Variants in ATP2B4 observed in about 807,000 individuals in gnomAD.
ATP2B4 encodes the protein plasma membrane calcium-transporting ATPase 4.
ATP2B4 carries 39 observed loss-of-function variants against 110.3 expected under a neutral mutation model. The observed-to-expected ratio is 0.35, with a 90% CI of 0.27 to 0.46. The LOEUF (loss-of-function observed/expected upper bound fraction) is 0.46, where lower values mean the gene tolerates loss of function less well. Ranked by LOEUF, ATP2B4 falls within the 20% of genes least tolerant of loss-of-function variation. The pLI, the probability that ATP2B4 is intolerant of heterozygous loss-of-function variation, is 1.00. For missense variants in ATP2B4, 1,135 were observed against 1,530.9 expected, an observed-to-expected ratio of 0.74 and a Z score of 4.32; for synonymous variants, 538 against 571.7, an observed-to-expected ratio of 0.94 and a Z score of 0.84.
chr1:203,723,297 G>A (rs531950966), intron 18 of ATP2B4, among the ~76,000 whole-genome samples: 1 of 148,894 alleles, frequency 6.7e-6, no homozygotes, highest in Non-Finnish European at 1.5e-5. Flanking sequence ...TACAGATGGG[G>A]TCTCACTCTG....
At chr1:203,699,118 A>G (rs1281299889) in intron 3 of ATP2B4, among the ~76,000 whole-genome samples, 2 of 152,048 alleles carry the variant, frequency 1.3e-5, no homozygotes, top group Non-Finnish European at 2.9e-5. Flanking sequence ...CCTACATCTC[A>G]AAGTGCCCCC....
intron 2 of ATP2B4, among the ~76,000 whole-genome samples, chr1:203,688,409 C>T (rs1665265502): frequency 1.3e-5 from 2 of 151,970 alleles, no homozygotes; most frequent in African/African-American, 4.8e-5. Flanking sequence ...AGCAGTCCTC[C>T]CACCTTAGCC....
At chr1:203,664,642 C>G (rs1482637916) in intron 1 of ATP2B4, among the ~76,000 whole-genome samples, 2 of 152,086 alleles carry the variant, frequency 1.3e-5, no homozygotes, top group Middle Eastern at 3.2e-3. Context: ...GGGGCAGGAG[C>G]CTGGCCCGGG....
At position 203,723,341 on chromosome 1, in the gene ATP2B4, G is replaced by A. The variant is rs117525537; in HGVS notation, c.3025-540G>A. 2.5e-4 allele frequency among the ~76,000 whole-genome samples: 37 copies of A among 145,122 alleles called. 1 individual carries two copies. The East Asian group carries it at 7.4e-3, about 29-fold the overall frequency. The stretch of plus-strand genomic sequence containing the variant: ...GCTGGTCTCAAACTCCTGGCCTCAA[G>A]CAATCCTCCCGCCTCCCAAAGTGTT... On this transcript the variant is annotated intron_variant, in intron 18 of 20. Transcript: ENST00000357681.
At chr1:203,735,653 T>C (rs990552363) in intron 20 of ATP2B4, among the ~76,000 whole-genome samples, 3 of 152,160 alleles carry the variant, frequency 2.0e-5, no homozygotes, top group Non-Finnish European at 2.9e-5. Context: ...TTGATAGAGA[T>C]ACATACAATT....
intron 20 of ATP2B4, among the ~76,000 whole-genome samples, chr1:203,736,650 A>C (rs1666886250): frequency 2.6e-5 from 4 of 151,984 alleles, no homozygotes; most frequent in Admixed American, 2.6e-4. Context: ...ACATTTCCCC[A>C]AGGTTTTGAG....
chr1:203,710,335 A>G (rs981120015), intron 11 of ATP2B4, among the ~76,000 whole-genome samples: 2 of 151,914 alleles, frequency 1.3e-5, no homozygotes, highest in Non-Finnish European at 2.9e-5. Flanking sequence ...GCACCACTGC[A>G]CTCCAGCCTG....
chr1:203,702,211 C>T (rs2102388561), intron 7 of ATP2B4, 132 bp downstream of exon 7: 1 of 1,189,044 alleles, frequency 8.4e-7, no homozygotes. Flanking sequence ...ATGCCTCATC[C>T]TGAGGAAGGT....
rs559946247 is a variant in ATP2B4 at position 203,716,924 on chromosome 1, G to T, written c.2406+2647G>T. On this transcript the variant is annotated intron_variant, in intron 15 of 20. Coordinates refer to ENST00000357681, the MANE Select transcript of ATP2B4 (RefSeq NM_001684.5). ...TTACATAAAAAGAGATTCCCGGCCG[G>T]GCGTAGTGGCTCGTGCTTGTAATCC... 1.5e-4 allele frequency among the ~76,000 whole-genome samples: 21 copies of T among 144,642 alleles called. 2 individuals are homozygous for T. Among genetic ancestry groups the T allele is most frequent in the African/African-American group, 5.3e-4 (21 of 39,706 alleles). 94.9% of individuals were successfully genotyped at this position (144,642 alleles called of 152,430 possible).
Position 203,721,717 on chromosome 1 carries a change from C to T in ATP2B4, c.2812+307C>T, listed in dbSNP as rs1666341765. Among the ~76,000 whole-genome samples the T allele has an allele frequency of 2.1e-5, 3 of 141,446 alleles. No homozygotes were observed. The Admixed American group carries it at 2.2e-4, about 10-fold the overall frequency. 92.8% of individuals were successfully genotyped at this position (141,446 alleles called of 152,430 possible). On this transcript the variant is annotated intron_variant, in intron 17 of 20. Coordinates refer to ENST00000357681, the MANE Select transcript of ATP2B4 (RefSeq NM_001684.5). Reference sequence around the variant, plus strand: ...TCGCTCTGTCACCCAGGCTGGAGTGCAGTGGCGCTAACTCGGGTCACTGCA... The same window carrying T: ...TCGCTCTGTCACCCAGGCTGGAGTGTAGTGGCGCTAACTCGGGTCACTGCA...
intron 1 of ATP2B4, among the ~76,000 whole-genome samples, chr1:203,677,253 C>T (rs1011887992): frequency 1.3e-5 from 2 of 152,106 alleles, no homozygotes; most frequent in African/African-American, 4.8e-5. Flanking sequence ...GGGGTATGTA[C>T]ATAATTTCTA....
chr1:203,651,269 TTTTG>T (rs1191195278), intron 1 of ATP2B4, among the ~76,000 whole-genome samples: 3 of 152,238 alleles, frequency 2.0e-5, no homozygotes, highest in Admixed American at 6.5e-5. Flanking sequence ...GTTCTATCTC[TTTTG>T]TTTATTTCTC....
intron 1 of ATP2B4, among the ~76,000 whole-genome samples, chr1:203,658,837 C>T (rs1453057895): frequency 1.3e-5 from 2 of 152,010 alleles, no homozygotes; most frequent in African/African-American, 2.4e-5. Flanking sequence ...AACCCCGTCT[C>T]TACTAAAAAT....
chr1:203,674,232 A>C (rs1453635993), intron 1 of ATP2B4, among the ~76,000 whole-genome samples: 1 of 152,148 alleles, frequency 6.6e-6, no homozygotes, highest in Admixed American at 6.5e-5. Flanking sequence ...TCCAGATGGC[A>C]TTGTCACTTC....
intron 2 of ATP2B4, among the ~76,000 whole-genome samples, chr1:203,689,157 C>A (rs1270769209): frequency 6.6e-6 from 1 of 152,122 alleles, no homozygotes; most frequent in African/African-American, 2.4e-5. Flanking sequence ...CCTGTGGAGT[C>A]TCATGGCCTC....
At chr1:203,711,247 G>A in intron 12 of ATP2B4, 139 bp downstream of exon 12, 1 of 741,550 alleles carries the variant, frequency 1.3e-6, no homozygotes, top group East Asian at 2.7e-5. Flanking sequence ...TCACAGGACT[G>A]CTGTGGAGTG....
chr1:203,688,480 T>TC (rs1665268217), intron 2 of ATP2B4, among the ~76,000 whole-genome samples: 1 of 151,156 alleles, frequency 6.6e-6, no homozygotes, highest in African/African-American at 2.4e-5. Flanking sequence ...TGTATTTTTT[T>TC]TTGTAGAGAC....
rs2102402777 is a variant in ATP2B4 at position 203,713,277 on chromosome 1, C to T, written c.2299+25C>T. The T allele has an allele frequency of 5.6e-6, 9 of 1,613,488 alleles. No individual in the cohort carries two copies. The African/African-American group carries it at 8.0e-5, about 14-fold the overall frequency. On this transcript the variant is annotated intron_variant, in intron 14 of 20. Transcript: ENST00000357681. ...GGTGAGGTTGGCTTCCAAATAGGTGCCTGCAACAGCTGAAGGCAGGCCAGG... is the reference window on the plus strand; with the variant it reads ...GGTGAGGTTGGCTTCCAAATAGGTGTCTGCAACAGCTGAAGGCAGGCCAGG...
chr1:203,713,488 C>T (rs190146138), intron 14 of ATP2B4, among the ~76,000 whole-genome samples: 9 of 151,798 alleles, frequency 5.9e-5, no homozygotes, highest in East Asian at 1.9e-4. Flanking sequence ...TTTTGGAGAC[C>T]GAGTCTTGCT....
Sources: gnomAD v4.1 joint callset for allele counts (sites outside exome capture counted in the v4.1 genomes callset) on GRCh38, gnomAD v4.1.1 for gene constraint, MANE v1.5 for transcripts, NCBI Gene and HGNC (gene_info 2026-07-23, HGNC 2026-07-21) for gene names.